The following ADGRL3 variants were observed in gnomAD, a reference collection of about 807,000 sequenced individuals.
ADGRL3 encodes adhesion G protein-coupled receptor L3.
In ADGRL3, 62 loss-of-function variants were observed where a neutral mutation model predicts 153.5. That is an observed-to-expected ratio of 0.40 (90% CI 0.33 to 0.50). The LOEUF is 0.50. Ranked by LOEUF, ADGRL3 falls within the 20% of genes least tolerant of loss-of-function variation. ADGRL3 has a pLI of 0.47. For missense variants in ADGRL3, 1,641 were observed against 1,859.4 expected (o/e 0.88, Z 2.16); for synonymous variants, 710 against 672.5 (o/e 1.06, Z -0.86).
At chr4:61,224,985 A>T in intron 1 of ADGRL3, among the ~76,000 whole-genome samples, 1 of 152,212 alleles carries the variant, frequency 6.6e-6, no homozygotes, top group Non-Finnish European at 1.5e-5. Context: ...AGCATTGTGG[A>T]GAATGGGGAA....
intron 17 of ADGRL3, among the ~76,000 whole-genome samples, chr4:61,978,775 G>A (rs1389576519): frequency 6.6e-6 from 1 of 152,124 alleles, no homozygotes; most frequent in East Asian, 1.9e-4. Context: ...TACAGTTCGT[G>A]AACTTTTTCT....
At chr4:61,810,225 A>G (rs941029015) in intron 8 of ADGRL3, among the ~76,000 whole-genome samples, 1 of 152,162 alleles carries the variant, frequency 6.6e-6, no homozygotes, top group African/African-American at 2.4e-5. Context: ...TGCCATTCTA[A>G]GAGAGTCTTG....
intron 4 of ADGRL3, among the ~76,000 whole-genome samples, chr4:61,548,848 C>T (rs2098726824): frequency 6.6e-6 from 1 of 151,562 alleles, no homozygotes; most frequent in Non-Finnish European, 1.5e-5. Context: ...CTATGGTTCC[C>T]TAGTTTTTTT....
At chr4:61,258,542 TA>T (rs745710902) in intron 1 of ADGRL3, among the ~76,000 whole-genome samples, 4 of 152,208 alleles carry the variant, frequency 2.6e-5, no homozygotes, top group Non-Finnish European at 5.9e-5. Flanking sequence ...TTGTGAGAAC[TA>T]AATGACATAA....
At chr4:61,565,861 A>G (rs1007095242) in intron 4 of ADGRL3, among the ~76,000 whole-genome samples, 7 of 152,156 alleles carry the variant, frequency 4.6e-5, no homozygotes, top group African/African-American at 1.7e-4. Flanking sequence ...TATTATATAG[A>G]TTAGCAATGC....
chr4:61,360,516 A>T (rs1431484641), intron 1 of ADGRL3, among the ~76,000 whole-genome samples: 1 of 152,144 alleles, frequency 6.6e-6, no homozygotes, highest in East Asian at 1.9e-4. Context: ...CCGGCAAGTT[A>T]TGGTTGGTAA....
At chr4:61,775,365 G>A in intron 8 of ADGRL3, 1 of 400,754 alleles carries the variant, frequency 2.5e-6, no homozygotes, top group South Asian at 2.8e-5. Flanking sequence ...CAGTTTTACA[G>A]TAATGGAAAA....
At chr4:61,370,438 C>A (rs1480693984) in intron 1 of ADGRL3, among the ~76,000 whole-genome samples, 1 of 151,546 alleles carries the variant, frequency 6.6e-6, no homozygotes, top group Non-Finnish European at 1.5e-5. Flanking sequence ...TGTCTTTGTT[C>A]TCGTTGGTTT....
At chr4:61,988,737 G>A (rs1205335217) in intron 19 of ADGRL3, among the ~76,000 whole-genome samples, 1 of 152,150 alleles carries the variant, frequency 6.6e-6, no homozygotes, top group Non-Finnish European at 1.5e-5. Flanking sequence ...ATTGGAAGAA[G>A]GAATTAGAAG....
intron 9 of ADGRL3, among the ~76,000 whole-genome samples, chr4:61,883,540 C>T (rs2098520486): frequency 2.6e-5 from 4 of 151,980 alleles, no homozygotes; most frequent in Non-Finnish European, 5.9e-5. Flanking sequence ...CTCCATTTAG[C>T]AGATGAAAAA....
intron 1 of ADGRL3, among the ~76,000 whole-genome samples, chr4:61,327,228 C>T (rs1229391290): frequency 1.3e-5 from 2 of 151,736 alleles, no homozygotes; most frequent in South Asian, 4.2e-4. Flanking sequence ...ATTCTTAGAG[C>T]TTCCCTCTTT....
At chr4:61,401,076 TAAA>T (rs796155996) in intron 2 of ADGRL3, among the ~76,000 whole-genome samples, 3 of 138,498 alleles carry the variant, frequency 2.2e-5, no homozygotes, top group Non-Finnish European at 3.3e-5. Context: ...TTTTTTTTTT[TAAA>T]AAAAAGATTT....
At chr4:61,895,123 C>T (rs1041566741) in intron 10 of ADGRL3, among the ~76,000 whole-genome samples, 1 of 152,154 alleles carries the variant, frequency 6.6e-6, no homozygotes, top group South Asian at 2.1e-4. Flanking sequence ...AAGTCAAGCA[C>T]TAACCTCCAT....
At chr4:61,417,521 C>CA (rs991975641) in intron 2 of ADGRL3, among the ~76,000 whole-genome samples, 3 of 148,398 alleles carry the variant, frequency 2.0e-5, no homozygotes, top group Admixed American at 6.7e-5. Context: ...AAACATCAAA[C>CA]AAAAAAAATC....
intron 9 of ADGRL3, among the ~76,000 whole-genome samples, chr4:61,872,793 T>C (rs1001379170): frequency 3.9e-5 from 6 of 152,170 alleles, no homozygotes; most frequent in African/African-American, 1.4e-4. Context: ...TAACAAGCAA[T>C]GTCCATGGGC....
chr4:61,308,114 C>A (rs2094865506), intron 1 of ADGRL3, among the ~76,000 whole-genome samples: 1 of 152,152 alleles, frequency 6.6e-6, no homozygotes, highest in Admixed American at 6.5e-5. Context: ...TGCTTATGAG[C>A]ATGCAGACCT....
At chr4:61,478,276 G>T (rs866295880) in intron 2 of ADGRL3, among the ~76,000 whole-genome samples, 1 of 151,936 alleles carries the variant, frequency 6.6e-6, no homozygotes, top group Non-Finnish European at 1.5e-5. Flanking sequence ...TCACATTGAG[G>T]TATGTGTTTG....
At chr4:61,533,812 G>C (rs541640280) in intron 4 of ADGRL3, among the ~76,000 whole-genome samples, 29 of 152,080 alleles carry the variant, frequency 1.9e-4, no homozygotes, top group Admixed American at 1.0e-3. Flanking sequence ...AAATTTTAGC[G>C]TAAAAAATAT....
chr4:61,908,604 G>C (rs1439033894), intron 11 of ADGRL3, among the ~76,000 whole-genome samples: 3 of 115,842 alleles, frequency 2.6e-5, no homozygotes, highest in South Asian at 3.0e-4. Flanking sequence ...GCAAAACAAC[G>C]CCTCAAAAAA....
Sources: gnomAD v4.1 joint callset for allele counts (sites outside exome capture counted in the v4.1 genomes callset) on GRCh38, gnomAD v4.1.1 for gene constraint, MANE v1.5 for transcripts, NCBI Gene and HGNC (gene_info 2026-07-23, HGNC 2026-07-21) for gene names.